The following ADGRB3 variants were observed in gnomAD, a reference collection of about 807,000 sequenced individuals.
The protein encoded by ADGRB3 is brain-specific angiogenesis inhibitor 3.
In ADGRB3, 37 loss-of-function variants were observed where a neutral mutation model predicts 193.4. That is an observed-to-expected ratio of 0.19 (90% CI 0.15 to 0.25). The LOEUF (loss-of-function observed/expected upper bound fraction) is 0.25, where lower values mean the gene tolerates loss of function less well. ADGRB3 is among the 10% of genes least tolerant of loss of function. The pLI, the probability that ADGRB3 is intolerant of heterozygous loss-of-function variation, is 1.00. For missense variants in ADGRB3, 1,637 were observed against 1,852.9 expected (o/e 0.88, Z 2.14); for synonymous variants, 690 against 644.2 (o/e 1.07, Z -1.08).
At chr6:68,894,156 C>T (rs1366097611) in intron 3 of ADGRB3, among the ~76,000 whole-genome samples, 1 of 151,864 alleles carries the variant, frequency 6.6e-6, no homozygotes, top group East Asian at 1.9e-4. Context: ...TAGAATTAAG[C>T]ATAGTTGTTC....
intron 11 of ADGRB3, among the ~76,000 whole-genome samples, chr6:68,997,445 C>T (rs1249483101): frequency 2.8e-5 from 4 of 144,502 alleles, no homozygotes; most frequent in African/African-American, 1.1e-4. Flanking sequence ...GAGTTTGAGA[C>T]CAGCCTGGAC....
At chr6:69,103,205 T>C (rs1179382032) in intron 17 of ADGRB3, among the ~76,000 whole-genome samples, 1 of 152,196 alleles carries the variant, frequency 6.6e-6, no homozygotes, top group South Asian at 2.1e-4. Context: ...TCTTGAACTT[T>C]AGAGAGAGTC....
At chr6:69,126,392 G>T (rs1285749084) in intron 17 of ADGRB3, among the ~76,000 whole-genome samples, 1 of 152,160 alleles carries the variant, frequency 6.6e-6, no homozygotes, top group Non-Finnish European at 1.5e-5. Context: ...TGGTAGAGTG[G>T]CTCAGTCCAA....
rs61740387 is a variant in ADGRB3, at chr6:69,361,105, C to A, written c.3832C>A (p.Arg1278=). The change falls in exon 29 of 32, where the codon CGG becomes AGG. Residue 1278 remains arginine (R), a synonymous_variant. Transcript: ENST00000370598. Reference sequence around the variant, plus strand: ...TTTGAAAAAAGAAAATAGTGAATTGCGGAGAACTGTGTACTTATGTACGGA... The same window carrying A: ...TTTGAAAAAAGAAAATAGTGAATTGAGGAGAACTGTGTACTTATGTACGGA... ...PCLKKENSEL[R]RTVYLCTDDN... 6,659 of 1,612,656 alleles carry A rather than the reference C, an allele frequency of 4.1e-3. 17 individuals carry two copies. The highest frequency in any genetic ancestry group is 5.0e-3 in the Non-Finnish European group (5,892 of 1,179,164).
At chr6:69,044,090 C>T (rs1771166601) in intron 13 of ADGRB3, among the ~76,000 whole-genome samples, 1 of 152,088 alleles carries the variant, frequency 6.6e-6, no homozygotes, top group Non-Finnish European at 1.5e-5. Context: ...TAAACCAGAA[C>T]AGATCTGTAA....
intron 3 of ADGRB3, among the ~76,000 whole-genome samples, chr6:68,853,397 A>G (rs1212389499): frequency 6.6e-6 from 1 of 152,034 alleles, no homozygotes; most frequent in Non-Finnish European, 1.5e-5. Flanking sequence ...GGTTTCATTC[A>G]TTTTGTGGCA....
chr6:69,069,553 CAAAAAAAAAA>C lies in ADGRB3; in HGVS notation c.2437-6423_2437-6414del, dbSNP rs57616226. Among the ~76,000 whole-genome samples the C allele has an allele frequency of 4.4e-3, 140 of 31,784 alleles. 3 individuals are homozygous for C. The highest frequency in any genetic ancestry group is 0.014 in the African/African-American group (104 of 7,192). 20.9% of individuals were successfully genotyped at this position (31,784 alleles called of 152,430 possible). On this transcript the variant is annotated intron_variant, in intron 16 of 31. Coordinates refer to ENST00000370598, the MANE Select transcript of ADGRB3 (RefSeq NM_001704.3). ...TGAAACCCCGTCTCTACTAAAAATA[CAAAAAAAAAA>C]AAAAAAAAAAAAAAAAAATTATCCG... is the stretch of plus-strand genomic sequence containing the variant.
At chr6:68,859,623 C>T (rs1765094427) in intron 3 of ADGRB3, among the ~76,000 whole-genome samples, 1 of 152,074 alleles carries the variant, frequency 6.6e-6, no homozygotes, top group Admixed American at 6.6e-5. Context: ...GTGTAGGGGA[C>T]CTCCCCTTTA....
intron 26 of ADGRB3, among the ~76,000 whole-genome samples, chr6:69,352,644 G>A (rs975683497): frequency 6.6e-6 from 1 of 152,184 alleles, no homozygotes; most frequent in East Asian, 1.9e-4. Context: ...CCAGTCTTTG[G>A]TTGTGATTAG....
intron 17 of ADGRB3, among the ~76,000 whole-genome samples, chr6:69,141,127 T>TGG (rs1305388130): frequency 0.015 from 831 of 57,268 alleles, 2 homozygotes; most frequent in Non-Finnish European, 0.024. Context: ...TTCTTTTTTT[T>TGG]TGGGGGGGGC....
intron 17 of ADGRB3, among the ~76,000 whole-genome samples, chr6:69,231,460 G>C (rs995806679): frequency 2.0e-5 from 3 of 152,206 alleles, no homozygotes; most frequent in African/African-American, 4.8e-5. Flanking sequence ...GAATAATGCA[G>C]ATGTTATGTT....
In ADGRB3 at chr6:69,181,940, A is replaced by T. The variant is rs187748311; in HGVS notation, c.2481-51350A>T. On this transcript the variant is annotated intron_variant, in intron 17 of 31. Transcript: ENST00000370598. ...TTGTTTCCAATAACACCTAAAGAAG[A>T]TACTCAATAAACAAGTAAATTGTAT... 2.1e-3 allele frequency among the ~76,000 whole-genome samples: 320 copies of T among 152,340 alleles called. 4 individuals are homozygous for T. Among genetic ancestry groups the T allele is most frequent in the South Asian group, 2.5e-3 (12 of 4,830 alleles).
At chr6:69,279,691 A>G (rs1242973792) in intron 20 of ADGRB3, among the ~76,000 whole-genome samples, 1 of 151,928 alleles carries the variant, frequency 6.6e-6, no homozygotes, top group Admixed American at 6.6e-5. Context: ...TAAAATGTAG[A>G]CCTCTTTTGG....
chr6:68,717,609 T>C (rs539312436), intron 3 of ADGRB3, among the ~76,000 whole-genome samples: 10 of 150,454 alleles, frequency 6.6e-5, no homozygotes, highest in Non-Finnish European at 1.2e-4. Flanking sequence ...GGAAGCACCA[T>C]TTTTTTTTAA....
chr6:69,264,976 CTGTT>C (rs970795156), intron 20 of ADGRB3, among the ~76,000 whole-genome samples: 6 of 151,914 alleles, frequency 3.9e-5, no homozygotes, highest in Non-Finnish European at 8.8e-5. Context: ...TTCTCTCTCT[CTGTT>C]TACCTCCCTT....
chr6:69,074,084 G>T (rs556199909), intron 16 of ADGRB3, among the ~76,000 whole-genome samples: 4 of 151,748 alleles, frequency 2.6e-5, no homozygotes, highest in East Asian at 1.9e-4. Flanking sequence ...GCAAGAAAAA[G>T]ATCATTTTTT....
At chr6:69,329,972 GA>G in intron 22 of ADGRB3, among the ~76,000 whole-genome samples, 1 of 152,214 alleles carries the variant, frequency 6.6e-6, no homozygotes, top group African/African-American at 2.4e-5. Flanking sequence ...GTAGTTTGGT[GA>G]AAAAGTAAAA....
chr6:69,368,327 A>T (rs1342690026), intron 29 of ADGRB3, among the ~76,000 whole-genome samples: 3 of 152,112 alleles, frequency 2.0e-5, no homozygotes, highest in Non-Finnish European at 4.4e-5. Context: ...ACAAGAGATA[A>T]CAGTTGCTTT....
At chr6:69,193,355 G>T (rs1437606027) in intron 17 of ADGRB3, among the ~76,000 whole-genome samples, 1 of 152,028 alleles carries the variant, frequency 6.6e-6, no homozygotes, top group African/African-American at 2.4e-5. Context: ...ACTTTTTTGT[G>T]ATTCTTTTGA....
Sources: allele counts gnomAD v4.1 joint callset (sites outside exome capture counted in the v4.1 genomes callset), GRCh38; gene constraint gnomAD v4.1.1; transcripts MANE v1.5; gene names NCBI Gene and HGNC (gene_info 2026-07-23, HGNC 2026-07-21).